EVC2: variants seen among roughly 807,000 people sequenced by gnomAD.
EVC2 encodes the protein limbin.
A neutral mutation model predicts 149.3 loss-of-function variants in EVC2; 148 were observed. The ratio of observed to expected loss-of-function variants is 0.99; its 90% CI spans 0.87 to 1.14. The LOEUF (loss-of-function observed/expected upper bound fraction) is 1.14. Ranked by LOEUF, EVC2 falls within the 50% of genes most tolerant of loss-of-function variation. EVC2 has a pLI of 0.00. For missense variants in EVC2, 1,854 were observed against 1,627.3 expected (o/e 1.14, Z -2.40); for synonymous variants, 776 against 649.9 (o/e 1.19, Z -2.95).
At chr4:5,574,898 G>C (rs993388260) in intron 18 of EVC2, 126 bp from the exon 19 acceptor site, 3 of 980,588 alleles carry the variant, frequency 3.1e-6, no homozygotes, top group Non-Finnish European at 4.7e-6. Flanking sequence ...TATGTCCATA[G>C]AAAGAGATGG....
chr4:5,667,221 G>C, intron 7 of EVC2, among the ~76,000 whole-genome samples: 1 of 151,944 alleles, frequency 6.6e-6, no homozygotes, highest in East Asian at 1.9e-4. Context: ...ACATATGCAT[G>C]TGTAAATTAT....
chr4:5,586,171 G>C (rs965132759), intron 16 of EVC2, among the ~76,000 whole-genome samples: 2 of 152,102 alleles, frequency 1.3e-5, no homozygotes, highest in African/African-American at 4.8e-5. Flanking sequence ...CTGTCTAGCT[G>C]TTTTGACTGA....
chr4:5,572,753 T>A (rs1309331325), intron 19 of EVC2, among the ~76,000 whole-genome samples: 1 of 152,222 alleles, frequency 6.6e-6, no homozygotes, highest in Non-Finnish European at 1.5e-5. Flanking sequence ...GGTGAAATTC[T>A]GCTGGTGACA....
chr4:5,651,132 T>TG (rs1718114775), intron 9 of EVC2, among the ~76,000 whole-genome samples: 1 of 151,720 alleles, frequency 6.6e-6, no homozygotes, highest in Non-Finnish European at 1.5e-5. Context: ...GAGGGATAGA[T>TG]GAATGAATGG....
At chr4:5,654,815 G>C (rs1718399846) in intron 9 of EVC2, among the ~76,000 whole-genome samples, 1 of 152,198 alleles carries the variant, frequency 6.6e-6, no homozygotes, top group African/African-American at 2.4e-5. Flanking sequence ...AGAACAAGCA[G>C]TTGGGAACAG....
chr4:5,559,979 A>C (rs748261113), downstream of EVC2, among the ~76,000 whole-genome samples: 1 of 152,124 alleles, frequency 6.6e-6, no homozygotes, highest in Middle Eastern at 3.4e-3. This position sits in a 1 kb window ranked among gnomAD's most constrained non-coding sequence, Gnocchi z 5.0. Context: ...GCTGTCCCCA[A>C]CTGACCCCTG....
upstream of EVC2, chr4:5,708,634 GAACA>G (rs933349528): frequency 1.3e-5 from 9 of 672,012 alleles, no homozygotes; most frequent in Middle Eastern, 4.3e-4. Flanking sequence ...AAGTTTTCTG[GAACA>G]AACACCCGCA....
Position 5,657,731 on chromosome 4 carries a change from T to A in EVC2, c.1145+5376A>T, listed in dbSNP as rs1248420913. ...GTGGGTAAGATGAAATACAACAACA[T>A]TAATTTGAAAAAGAAAAAAAAAAAA... On this transcript the variant is annotated intron_variant, in intron 9 of 21. Transcript: ENST00000344408. This position sits in a 1 kb window ranked among gnomAD's most constrained non-coding sequence, Gnocchi z 4.7. Among the ~76,000 whole-genome samples the A allele has an allele frequency of 1.8e-5, 2 of 108,804 alleles. No individual in the cohort carries two copies. The highest frequency in any genetic ancestry group is 8.0e-5 in the African/African-American group (2 of 24,870). 71.4% of individuals were successfully genotyped at this position (108,804 alleles called of 152,430 possible). A position where few individuals can be genotyped will look rare whatever the true frequency, so the allele number is the denominator to read the frequency against.
intron 10 of EVC2, among the ~76,000 whole-genome samples, chr4:5,632,782 G>A (rs558623948): frequency 7.9e-5 from 12 of 152,094 alleles, no homozygotes; most frequent in African/African-American, 1.2e-4. Flanking sequence ...ATTTGCATAC[G>A]GCCTCCCCCC....
rs187258319 is a variant in EVC2 at position 5,609,977 on chromosome 4, G to A, written c.2829+5445C>T. Reference sequence around the variant, plus strand: ...AGTTGGGAAGGGTAAAGCATGTAATGAACAAGGCACAGGTCAGTATAGCAG... The same window carrying A: ...AGTTGGGAAGGGTAAAGCATGTAATAAACAAGGCACAGGTCAGTATAGCAG... On this transcript the variant is annotated intron_variant, in intron 16 of 21. Transcript: ENST00000344408. Among the ~76,000 whole-genome samples, 114 of 152,310 alleles carry A rather than the reference G, an allele frequency of 7.5e-4. 3 individuals are homozygous for A. The highest frequency in any genetic ancestry group is 3.4e-3 in the Middle Eastern group (1 of 294).
the EVC2 span, among the ~76,000 whole-genome samples, chr4:5,530,526 T>C: frequency 9.5e-5 from 10 of 105,004 alleles, no homozygotes; most frequent in Middle Eastern, 4.9e-3. Context: ...AGTTACCGCG[T>C]GTGTGTGTGT....
intron 10 of EVC2, among the ~76,000 whole-genome samples, chr4:5,638,631 A>G (rs1717071197): frequency 6.6e-6 from 1 of 152,088 alleles, no homozygotes; most frequent in Non-Finnish European, 1.5e-5. Flanking sequence ...ATATGCCTAG[A>G]TCCTAACCTC....
In EVC2 at chr4:5,622,429, T is replaced by C; in HGVS notation, c.2501+108A>G. 3 of 1,285,500 alleles carry C rather than the reference T, an allele frequency of 2.3e-6. No individual in the cohort carries two copies. The allele number at this position is 1,285,500 out of a possible 1,614,324, so 79.6% of individuals were successfully genotyped here. On this transcript the variant is annotated intron_variant, in intron 14 of 21. Coordinates refer to ENST00000344408, the MANE Select transcript of EVC2 (RefSeq NM_147127.5). This position sits in a 1 kb window ranked among gnomAD's most constrained non-coding sequence, Gnocchi z 5.8. ...TAATTAACGCTGGTAATCTCATCTGTCTGGGGCCAGGTGTCTCATGCTTGG... is the reference window on the plus strand; with the variant it reads ...TAATTAACGCTGGTAATCTCATCTGCCTGGGGCCAGGTGTCTCATGCTTGG...
rs1349105463 is a variant in EVC2, at chr4:5,618,820, C to G, written c.2502-138G>C. 1.2e-6 allele frequency: 1 copy of G among 806,912 alleles called. No homozygotes were observed. Among genetic ancestry groups the G allele is most frequent in the African/African-American group, 1.7e-5 (1 of 58,690 alleles). 50.0% of individuals were successfully genotyped at this position (806,912 alleles called of 1,614,324 possible). On this transcript the variant is annotated intron_variant, in intron 14 of 21. Transcript: ENST00000344408. The surrounding 1 kb of genome is among the most constrained non-coding windows in gnomAD (Gnocchi z 4.4). Reference sequence around the variant, plus strand: ...AGCACTGGCTCCTTAATCATGCATTCCTGCCACAGGCATTCCTTGAGCACC... The same window carrying G: ...AGCACTGGCTCCTTAATCATGCATTGCTGCCACAGGCATTCCTTGAGCACC...
intron 16 of EVC2, among the ~76,000 whole-genome samples, chr4:5,593,387 T>G (rs1288668430): frequency 2.6e-5 from 4 of 152,200 alleles, no homozygotes; most frequent in Non-Finnish European, 5.9e-5. Flanking sequence ...GTTTGAAAAC[T>G]TGCCTCAGTT....
intron 16 of EVC2, among the ~76,000 whole-genome samples, chr4:5,595,333 C>G (rs1344317740): frequency 2.0e-5 from 3 of 152,110 alleles, no homozygotes; most frequent in African/African-American, 4.8e-5. Context: ...GTCGGGTTAC[C>G]CTCAAAGGGA....
downstream of EVC2, among the ~76,000 whole-genome samples, chr4:5,562,135 A>G (rs373261424): frequency 2.7e-3 from 418 of 152,292 alleles, 3 homozygotes; most frequent in African/African-American, 9.8e-3. The surrounding 1 kb of genome is among the most constrained non-coding windows in gnomAD (Gnocchi z 4.3). Context: ...GATCAAGGCC[A>G]GGAGAAAGGA....
At chr4:5,553,381 A>C (rs1721776337) in intron 21 of EVC2, among the ~76,000 whole-genome samples, 1 of 152,136 alleles carries the variant, frequency 6.6e-6, no homozygotes, top group Non-Finnish European at 1.5e-5. Context: ...ACCAGGCCCC[A>C]CCTCCAACAT....
chr4:5,641,010 T>C (rs1717289561), intron 9 of EVC2, among the ~76,000 whole-genome samples, 172 bp from the exon 10 acceptor site: 1 of 152,180 alleles, frequency 6.6e-6, no homozygotes, highest in Non-Finnish European at 1.5e-5. Flanking sequence ...GGCCATTAGC[T>C]GACTCTTACT....
Sources: allele counts gnomAD v4.1 joint callset (sites outside exome capture counted in the v4.1 genomes callset), GRCh38; gene constraint gnomAD v4.1.1; non-coding constraint Gnocchi (gnomAD v3.1); transcripts MANE v1.5; gene names NCBI Gene and HGNC (gene_info 2026-07-23, HGNC 2026-07-21).